FIRRM: variants seen among roughly 807,000 people sequenced by gnomAD.
The protein encoded by FIRRM is FIGNL1-interacting regulator of recombination and mitosis.
the FIRRM span, among the ~76,000 whole-genome samples, chr1:169,839,569 CTT>C: frequency 7.2e-5 from 11 of 152,200 alleles, no homozygotes; most frequent in East Asian, 1.9e-3. Flanking sequence ...CTGTTCATGT[CTT>C]TTGCCCATTT....
the FIRRM span, chr1:169,830,144 G>A: frequency 1.2e-6 from 1 of 809,704 alleles, no homozygotes; most frequent in Non-Finnish European, 1.9e-6. Context: ...CCCCCATTGA[G>A]GATCTGTTAT....
the FIRRM span, among the ~76,000 whole-genome samples, chr1:169,838,622 T>TA: frequency 1.3e-5 from 2 of 152,124 alleles, no homozygotes; most frequent in African/African-American, 4.8e-5. Context: ...CCAGAGCAGC[T>TA]GGGATTACAG....
the FIRRM span, chr1:169,847,642 A>G: frequency 7.4e-7 from 1 of 1,344,172 alleles, no homozygotes; most frequent in African/African-American, 1.5e-5. Flanking sequence ...GTGTCTGTAC[A>G]AAATACTGGT....
the FIRRM span, chr1:169,853,182 C>G: frequency 1.6e-6 from 1 of 607,374 alleles, no homozygotes; most frequent in African/African-American, 1.9e-5. Context: ...ACATGTGGAA[C>G]AGTCAGGAAC....
chr1:169,790,397 G>C, the FIRRM span, among the ~76,000 whole-genome samples: 3 of 152,196 alleles, frequency 2.0e-5, no homozygotes, highest in African/African-American at 7.2e-5. Context: ...TGTTGGTCAG[G>C]GTGGTCTCAA....
chr1:169,793,222 A>C, the FIRRM span: 1 of 1,614,192 alleles, frequency 6.2e-7, no homozygotes, highest in Non-Finnish European at 8.5e-7. Context: ...AAACACCTGT[A>C]ATCAGATCAG....
At chr1:169,830,018 TACATTTA>T in the FIRRM span, among the ~76,000 whole-genome samples, 1 of 152,182 alleles carries the variant, frequency 6.6e-6, no homozygotes, top group Non-Finnish European at 1.5e-5. Flanking sequence ...ACTGAGTTAT[TACATTTA>T]AAATCATGTT....
chr1:169,816,095 G>A, the FIRRM span, among the ~76,000 whole-genome samples: 1 of 152,110 alleles, frequency 6.6e-6, no homozygotes, highest in Non-Finnish European at 1.5e-5. Context: ...TTCCTACACA[G>A]AATTATCTTG....
the FIRRM span, chr1:169,842,302 A>T: frequency 1.0e-6 from 1 of 972,964 alleles, no homozygotes; most frequent in Non-Finnish European, 1.5e-6. Flanking sequence ...ATATTATTCT[A>T]CATGGACTTT....
chr1:169,835,205 A>G, the FIRRM span, among the ~76,000 whole-genome samples: 45 of 152,350 alleles, frequency 3.0e-4, no homozygotes, highest in African/African-American at 1.1e-3. Flanking sequence ...AACATAAATG[A>G]AAATAGTTAA....
chr1:169,827,792 T>G, the FIRRM span: 1 of 1,614,110 alleles, frequency 6.2e-7, no homozygotes, highest in Non-Finnish European at 8.5e-7. Context: ...CCTAAGGAAG[T>G]GCAAACCCTG....
At chr1:169,840,481 T>C in the FIRRM span, among the ~76,000 whole-genome samples, 4 of 152,052 alleles carry the variant, frequency 2.6e-5, no homozygotes, top group African/African-American at 9.7e-5. Context: ...GTGTATCTAC[T>C]GTAAACAGGA....
At chr1:169,808,865 C>G in the FIRRM span, among the ~76,000 whole-genome samples, 2 of 152,168 alleles carry the variant, frequency 1.3e-5, no homozygotes, top group African/African-American at 4.8e-5. Context: ...TCCCAAAGTG[C>G]TGGGATTACA....
At chr1:169,801,445 CAAAAAAAAA>C in the FIRRM span, among the ~76,000 whole-genome samples, 1 of 61,716 alleles carries the variant, frequency 1.6e-5, no homozygotes, top group South Asian at 5.9e-4. Flanking sequence ...TGCTCCGTCT[CAAAAAAAAA>C]AAAAAAAAAA....
chr1:169,808,016 T>A, the FIRRM span: 1 of 1,258,094 alleles, frequency 7.9e-7, no homozygotes. Flanking sequence ...TGGGTCAGTC[T>A]ATTTAAGAGG....
At chr1:169,803,623 A>G in the FIRRM span, among the ~76,000 whole-genome samples, 3 of 152,272 alleles carry the variant, frequency 2.0e-5, no homozygotes, top group Non-Finnish European at 2.9e-5. Context: ...CCAATATTCA[A>G]TTACCATTAT....
the FIRRM span, chr1:169,827,956 A>C: frequency 9.0e-7 from 1 of 1,116,796 alleles, no homozygotes; most frequent in Non-Finnish European, 1.3e-6. Context: ...ATTTATGTTA[A>C]TAGTTATTGT....
At chr1:169,801,094 G>GT in the FIRRM span, 2 of 554,486 alleles carry the variant, frequency 3.6e-6, no homozygotes, top group Non-Finnish European at 3.2e-6. Context: ...AAAATAAGGA[G>GT]TAAGTAGATC....
chr1:169,841,079 T>C, the FIRRM span, among the ~76,000 whole-genome samples: 1 of 152,240 alleles, frequency 6.6e-6, no homozygotes, highest in African/African-American at 2.4e-5. Flanking sequence ...CGACGTTGGC[T>C]GTGAGTTTGT....
Sources: allele counts gnomAD v4.1 joint callset (sites outside exome capture counted in the v4.1 genomes callset), GRCh38; gene constraint gnomAD v4.1.1; transcripts MANE v1.5; gene names NCBI Gene and HGNC (gene_info 2026-07-23, HGNC 2026-07-21).